Variants in COL5A1 observed in about 807,000 individuals in gnomAD.
The protein encoded by COL5A1 is collagen alpha-1(V) chain.
COL5A1 carries 16 observed loss-of-function variants against 263.7 expected under a neutral mutation model. The ratio of observed to expected loss-of-function variants is 0.06; its 90% CI spans 0.04 to 0.09. The LOEUF is 0.09. Among genes scored for constraint, COL5A1 ranks in the 10% least tolerant of loss-of-function variants. The pLI, the probability that COL5A1 is intolerant of heterozygous loss-of-function variation, is 1.00. For synonymous variants in COL5A1, 1,012 were observed against 1,004.5 expected (o/e 1.01, Z -0.14); for missense variants, 2,036 against 2,540.5 (o/e 0.80, Z 4.27).
chr9:134,684,374 G>C (rs2132536250), intron 1 of COL5A1, among the ~76,000 whole-genome samples: 1 of 152,336 alleles, frequency 6.6e-6, no homozygotes, highest in Non-Finnish European at 1.5e-5. Flanking sequence ...CTGTGATGCT[G>C]CCCTGCCATG....
intron 11 of COL5A1, among the ~76,000 whole-genome samples, chr9:134,739,777 G>A (rs1321104965): frequency 6.6e-6 from 1 of 152,118 alleles, no homozygotes; most frequent in African/African-American, 2.4e-5. Flanking sequence ...TGGAAAGCTG[G>A]GGAGGGGCAG....
chr9:134,815,691 C>T (rs1419535989), intron 51 of COL5A1, 62 bp downstream of exon 51: 11 of 1,541,598 alleles, frequency 7.1e-6, no homozygotes, highest in Non-Finnish European at 9.8e-6. Flanking sequence ...CTCTGCCAGC[C>T]CCATTTCCCC....
Position 134,703,666 on chromosome 9 carries a change from C to T in COL5A1, c.654+2333C>T, listed in dbSNP as rs1185282317. On this transcript the variant is annotated intron_variant, in intron 4 of 65. Coordinates refer to ENST00000371817, the MANE Select transcript of COL5A1 (RefSeq NM_000093.5). Reference sequence around the variant, plus strand: ...TTTTTTTTTTTTTTTGAGACGGAGTCTCGCTCCGTCGCCCAGGCTGGAGTG... The same window carrying T: ...TTTTTTTTTTTTTTTGAGACGGAGTTTCGCTCCGTCGCCCAGGCTGGAGTG... 1.6e-5 allele frequency among the ~76,000 whole-genome samples: 2 copies of T among 122,176 alleles called. 1 individual carries two copies. The highest frequency in any genetic ancestry group is 3.2e-5 in the Non-Finnish European group (2 of 61,982). The allele number at this position is 122,176 out of a possible 152,430, so 80.2% of individuals were successfully genotyped here.
At chr9:134,683,956 C>T (rs931815018) in intron 1 of COL5A1, among the ~76,000 whole-genome samples, 8 of 152,212 alleles carry the variant, frequency 5.3e-5, no homozygotes, top group African/African-American at 1.2e-4. Context: ...TGCTATGGAG[C>T]GTCCAGGCTC....
In COL5A1 at chr9:134,818,711, G is replaced by T; in HGVS notation, c.4286G>T (p.Gly1429Val). Residue 1429 changes from glycine (G) to valine (V), a missense_variant, in exon 55 of 66, where the codon GGG becomes GTG. Transcript: ENST00000371817. This position sits in a 1 kb window ranked among gnomAD's most constrained non-coding sequence, Gnocchi z 6.0. Reference sequence around the variant, plus strand: ...AAGACTGGCCCCATCGGCCCCCAGGGGGCCCCTGGGAAGCCCGGACCGGAT... The same window carrying T: ...AAGACTGGCCCCATCGGCCCCCAGGTGGCCCCTGGGAAGCCCGGACCGGAT... ...PGKTGPIGPQ[G>V]APGKPGPDGL... is the part of the protein sequence containing the mutation. 6.2e-7 allele frequency: 1 copy of T among 1,611,046 alleles called. No homozygotes were observed. The highest frequency in any genetic ancestry group is 8.5e-7 in the Non-Finnish European group (1 of 1,179,132).
intron 11 of COL5A1, among the ~76,000 whole-genome samples, chr9:134,739,928 A>T (rs141482090): frequency 3.7e-4 from 56 of 152,284 alleles, no homozygotes; most frequent in Non-Finnish European, 6.6e-4. Flanking sequence ...GATTCAGGTC[A>T]GCTATGCGGG....
intron 2 of COL5A1, among the ~76,000 whole-genome samples, chr9:134,693,039 C>G (rs1308956853): frequency 6.6e-6 from 1 of 152,112 alleles, no homozygotes; most frequent in Non-Finnish European, 1.5e-5. Flanking sequence ...CACCACTGCA[C>G]TCCAGCCTGG....
chr9:134,747,776 C>T (rs903922136), intron 11 of COL5A1, among the ~76,000 whole-genome samples: 1 of 151,462 alleles, frequency 6.6e-6, no homozygotes, highest in African/African-American at 2.4e-5. Context: ...CATGCAGACA[C>T]ATGCACACAT....
Position 134,716,787 on chromosome 9 carries a change from A to G in COL5A1, c.655-10479A>G, listed in dbSNP as rs148136071. 9.4e-3 allele frequency among the ~76,000 whole-genome samples: 1,436 copies of G among 152,188 alleles called. 14 individuals are homozygous for G. Among genetic ancestry groups the G allele is most frequent in the Middle Eastern group, 0.02 (6 of 294 alleles). The stretch of plus-strand genomic sequence containing the variant: ...CGGCCCACCCCCATGTTGGAGACAC[A>G]GATGTGTCATTTTGCAGCCTTGCAC... On this transcript the variant is annotated intron_variant, in intron 4 of 65. Transcript: ENST00000371817. This position sits in a 1 kb window ranked among gnomAD's most constrained non-coding sequence, Gnocchi z 4.5.
chr9:134,654,010 G>GA (rs1831793592), intron 1 of COL5A1, among the ~76,000 whole-genome samples: 1 of 146,864 alleles, frequency 6.8e-6, no homozygotes, highest in African/African-American at 2.5e-5. Context: ...TAGGGCTGGA[G>GA]GTGTGTAGGG....
At chr9:134,659,315 G>T (rs1832128525) in intron 1 of COL5A1, among the ~76,000 whole-genome samples, 1 of 152,166 alleles carries the variant, frequency 6.6e-6, no homozygotes, top group Admixed American at 6.5e-5. Context: ...CTTGAACCTG[G>T]GCGGCAGAGG....
At chr9:134,663,203 A>G (rs1832262279) in intron 1 of COL5A1, among the ~76,000 whole-genome samples, 1 of 152,208 alleles carries the variant, frequency 6.6e-6, no homozygotes, top group African/African-American at 2.4e-5. Context: ...GCCAAGAAAG[A>G]AGAGAGGATG....
At chr9:134,665,463 A>T (rs1832329155) in intron 1 of COL5A1, among the ~76,000 whole-genome samples, 1 of 152,224 alleles carries the variant, frequency 6.6e-6, no homozygotes, top group South Asian at 2.1e-4. Context: ...GTCGTAATGG[A>T]TCCATCTCTA....
At chr9:134,658,087 G>A (rs906816368) in intron 1 of COL5A1, among the ~76,000 whole-genome samples, 2 of 151,998 alleles carry the variant, frequency 1.3e-5, no homozygotes, top group African/African-American at 4.8e-5. Context: ...GTCAGGGGAC[G>A]GTGTTCAAAA....
At position 134,733,697 on chromosome 9, in the gene COL5A1, G is replaced by A. The variant is rs80189197; in HGVS notation, c.1389+1570G>A. On this transcript the variant is annotated intron_variant, in intron 9 of 65. Transcript: ENST00000371817. ...GAGAGTGACTGCCGTCCGCCTGGGCGGACTCACCCAGAAGCAGGGGGCTGC... is the reference window on the plus strand; with the variant it reads ...GAGAGTGACTGCCGTCCGCCTGGGCAGACTCACCCAGAAGCAGGGGGCTGC... Among the ~76,000 whole-genome samples the A allele has an allele frequency of 1.3e-3, 194 of 152,244 alleles. 3 individuals carry two copies. The East Asian group carries it at 0.031, about 24-fold the overall frequency.
Position 134,642,140 on chromosome 9 carries a change from C to T in COL5A1, c.-48C>T, listed in dbSNP as rs948119330. 3.2e-6 allele frequency: 4 copies of T among 1,236,322 alleles called. No individual in the cohort carries two copies. In the African/African-American group the frequency reaches 4.7e-5, roughly 14 times the overall value. 76.6% of individuals were successfully genotyped at this position (1,236,322 alleles called of 1,614,324 possible). ...CGTGACCCGCGCCCCTGTGCGTCCC[C>T]GCGCGCCTCCGAGCGCCCCTGTGCG... On this transcript the variant is annotated 5_prime_UTR_variant, in exon 1 of 66. Transcript: ENST00000371817. The surrounding 1 kb of genome is among the most constrained non-coding windows in gnomAD (Gnocchi z 4.5).
intron 4 of COL5A1, among the ~76,000 whole-genome samples, chr9:134,725,439 G>A (rs908421416): frequency 6.6e-6 from 1 of 152,084 alleles, no homozygotes. Flanking sequence ...TATATTGGTC[G>A]GCTTCTATGC....
rs781685384 is a variant in COL5A1, at chr9:134,825,741, G to A, written c.4955-51G>A. 4.0e-6 allele frequency: 5 copies of A among 1,240,286 alleles called. No homozygotes were observed. The African/African-American group carries it at 4.4e-5, about 11-fold the overall frequency. The allele number at this position is 1,240,286 out of a possible 1,614,324, so 76.8% of individuals were successfully genotyped here. On this transcript the variant is annotated intron_variant, in intron 62 of 65. Transcript: ENST00000371817. ...CACAGCGGCTTCCGGAACCATCCAG[G>A]GAGCAATCCTTCTGACTCTGCCTGC... is the stretch of plus-strand genomic sequence containing the variant.
In COL5A1 at chr9:134,796,809, A is replaced by G. The variant is rs767957446; in HGVS notation, c.2845-39A>G. 3 of 1,596,274 alleles carry G rather than the reference A, an allele frequency of 1.9e-6. No individual in the cohort carries two copies. In the South Asian group the frequency reaches 3.3e-5, roughly 18 times the overall value. On this transcript the variant is annotated intron_variant, in intron 35 of 65. Coordinates refer to ENST00000371817, the MANE Select transcript of COL5A1 (RefSeq NM_000093.5). ...GTCAGCGGCAGGAGCTGCTCGGGAG[A>G]GACCTCTTGTCCTCAAACTGGCCTT...
Sources: gnomAD v4.1 joint callset for allele counts (sites outside exome capture counted in the v4.1 genomes callset) on GRCh38, gnomAD v4.1.1 for gene constraint, Gnocchi (gnomAD v3.1) non-coding constraint, MANE v1.5 for transcripts, NCBI Gene and HGNC (gene_info 2026-07-23, HGNC 2026-07-21) for gene names.